C1orf115: variants seen among roughly 807,000 people sequenced by gnomAD.
C1orf115 encodes required for drug-induced death protein 1.
In C1orf115, 14 loss-of-function variants were observed where a neutral mutation model predicts 12.5. The ratio of observed to expected loss-of-function variants is 1.12; its 90% CI spans 0.74 to 1.75. The LOEUF is 1.75. Among genes scored for constraint, C1orf115 ranks in the 40% most tolerant of loss-of-function variants. C1orf115 has a pLI of 0.00. For missense variants in C1orf115, 237 were observed against 220.8 expected, an observed-to-expected ratio of 1.07 and a Z score of -0.46; for synonymous variants, 109 against 104.6, an observed-to-expected ratio of 1.04 and a Z score of -0.26.
chr1:220,693,881 C>T (rs1469309472), intron 1 of C1orf115, among the ~76,000 whole-genome samples: 1 of 151,952 alleles, frequency 6.6e-6, no homozygotes, highest in Non-Finnish European at 1.5e-5. Flanking sequence ...GAGCTGGAAA[C>T]CAGACTGACG....
chr1:220,695,499 T>G (rs1023859484), intron 1 of C1orf115, among the ~76,000 whole-genome samples: 1 of 146,500 alleles, frequency 6.8e-6, no homozygotes, highest in African/African-American at 2.6e-5. Context: ...TCTGGGTTTT[T>G]TTTTTTTTTT....
At chr1:220,693,670 G>A (rs1261989806) in intron 1 of C1orf115, among the ~76,000 whole-genome samples, 4 of 152,116 alleles carry the variant, frequency 2.6e-5, no homozygotes, top group Admixed American at 2.6e-4. Flanking sequence ...CTCATTTAGC[G>A]GGAGAGGTAC....
At position 220,696,532 on chromosome 1, in the gene C1orf115, AT is replaced by A. The variant is rs531405288; in HGVS notation, c.310-72del. The stretch of plus-strand genomic sequence containing the variant: ...ATCTTTATATATGTCGCCGTGACTC[AT>A]TTTTTTTCATGAAAGATGGCAGAAT... On this transcript the variant is annotated intron_variant, in intron 1 of 1. Coordinates refer to ENST00000294889, the MANE Select transcript of C1orf115 (RefSeq NM_024709.5). 4.1e-4 allele frequency: 600 copies of A among 1,446,334 alleles called. 1 individual carries two copies. In the African/African-American group the frequency reaches 5.6e-3, roughly 14 times the overall value. The allele number at this position is 1,446,334 out of a possible 1,614,324, so 89.6% of individuals were successfully genotyped here. A position where few individuals can be genotyped will look rare whatever the true frequency, so the allele number is the denominator to read the frequency against.
chr1:220,691,944 G>A (rs957570893), intron 1 of C1orf115, among the ~76,000 whole-genome samples: 2 of 152,198 alleles, frequency 1.3e-5, no homozygotes, highest in African/African-American at 4.8e-5. Context: ...GGGGGCTTCA[G>A]GGCACAGAGC....
rs761810424 is a variant in C1orf115 at position 220,696,624 on chromosome 1, G to T, written c.322G>T (p.Val108Phe). The T allele has an allele frequency of 1.1e-5, 18 of 1,588,860 alleles. No individual in the cohort carries two copies. The highest frequency in any genetic ancestry group is 1.7e-4 in the Middle Eastern group (1 of 6,002). ...LKKYGKNVGK[V>F]IIKGCRYVVI... is the part of the protein sequence containing the mutation. ...TTCCTAACACTAGAATGTCGGGAAG[G>T]TCATCATCAAAGGATGCCGCTACGT... The change falls in exon 2 of 2, where the codon GTC becomes TTC. Residue 108 changes from valine (V) to phenylalanine (F), a missense_variant. Val to Phe is a conservative substitution (Grantham distance 50). Coordinates refer to ENST00000294889, the MANE Select transcript of C1orf115 (RefSeq NM_024709.5).
intron 1 of C1orf115, among the ~76,000 whole-genome samples, chr1:220,694,520 C>T (rs1281998782): frequency 6.6e-6 from 1 of 152,052 alleles, no homozygotes; most frequent in Non-Finnish European, 1.5e-5. Context: ...GGTCATAGGC[C>T]CTGAAGTGAG....
chr1:220,694,958 T>G (rs1670168796), intron 1 of C1orf115, among the ~76,000 whole-genome samples: 2 of 152,014 alleles, frequency 1.3e-5, no homozygotes, highest in Non-Finnish European at 2.9e-5. Flanking sequence ...AGCTCCCTAT[T>G]TAGGTAGGGG....
At chr1:220,690,742 G>T in intron 1 of C1orf115, 31 bp downstream of exon 1, 1 of 1,555,280 alleles carries the variant, frequency 6.4e-7, no homozygotes, top group Non-Finnish European at 8.7e-7. Context: ...CTGCCCGGGG[G>T]GCGCGGGTGT....
rs1377654518 is a variant in C1orf115, at chr1:220,697,235, C to T, written c.*504C>T. On this transcript the variant is annotated 3_prime_UTR_variant, in exon 2 of 2. Coordinates refer to ENST00000294889, the MANE Select transcript of C1orf115 (RefSeq NM_024709.5). The surrounding 1 kb of genome is among the most constrained non-coding windows in gnomAD (Gnocchi z 4.5). ...GCTGTTTATTCCTCAAGTCATGCTC[C>T]CCGATCTCCTTCCTCTACCACTCTG... The T allele has an allele frequency of 6.6e-6, 1 of 152,016 alleles. No individual in the cohort carries two copies. Among genetic ancestry groups the T allele is most frequent in the African/African-American group, 2.4e-5 (1 of 41,352 alleles). The allele number at this position is 152,016 out of a possible 1,614,324, so 9.4% of individuals were successfully genotyped here. A position where few individuals can be genotyped will look rare whatever the true frequency, so the allele number is the denominator to read the frequency against.
intron 1 of C1orf115, among the ~76,000 whole-genome samples, chr1:220,693,543 A>G (rs1352356779): frequency 6.6e-6 from 1 of 152,220 alleles, no homozygotes; most frequent in Admixed American, 6.5e-5. Context: ...TAGCAACATC[A>G]CATACCCACA....
chr1:220,694,629 C>A (rs1450911632), intron 1 of C1orf115, among the ~76,000 whole-genome samples: 1 of 152,182 alleles, frequency 6.6e-6, no homozygotes, highest in Non-Finnish European at 1.5e-5. Flanking sequence ...GTCTGATAGA[C>A]AAAGGCCACC....
chr1:220,695,054 C>T (rs992445410), intron 1 of C1orf115, among the ~76,000 whole-genome samples: 2 of 152,136 alleles, frequency 1.3e-5, no homozygotes, highest in South Asian at 2.1e-4. Context: ...GAGAGAAAGA[C>T]AGAAAAGCGT....
At chr1:220,692,623 G>A (rs1422931450) in intron 1 of C1orf115, among the ~76,000 whole-genome samples, 2 of 152,196 alleles carry the variant, frequency 1.3e-5, no homozygotes, top group Non-Finnish European at 2.9e-5. Flanking sequence ...AACACAGATT[G>A]GTGGTTGCCA....
At chr1:220,691,498 C>T (rs906018034) in intron 1 of C1orf115, among the ~76,000 whole-genome samples, 7 of 152,286 alleles carry the variant, frequency 4.6e-5, no homozygotes, top group African/African-American at 1.7e-4. Context: ...CCACGGGCCC[C>T]ATCTGATTTA....
chr1:220,695,888 T>C (rs1332505667), intron 1 of C1orf115, among the ~76,000 whole-genome samples: 2 of 152,034 alleles, frequency 1.3e-5, no homozygotes, highest in Admixed American at 6.5e-5. Flanking sequence ...GTGCAATAAA[T>C]GTTTGGTGGT....
chr1:220,691,589 A>G (rs185577741), intron 1 of C1orf115, among the ~76,000 whole-genome samples: 146 of 152,294 alleles, frequency 9.6e-4, no homozygotes, highest in African/African-American at 3.5e-3. Context: ...TAGGTTTATC[A>G]TCCTCTTTAA....
rs189990298 is a variant in C1orf115 at position 220,693,448 on chromosome 1, G to A, written c.309+2737G>A. 7.4e-3 allele frequency among the ~76,000 whole-genome samples: 1,124 copies of A among 152,300 alleles called. 10 individuals are homozygous for A. The highest frequency in any genetic ancestry group is 0.012 in the Non-Finnish European group (783 of 68,016). Reference sequence around the variant, plus strand: ...CTTGATTGTTAAGCTTGTTCCCAGAGAATATGTTTTTCTTTTGTTGTTTCA... The same window carrying A: ...CTTGATTGTTAAGCTTGTTCCCAGAAAATATGTTTTTCTTTTGTTGTTTCA... On this transcript the variant is annotated intron_variant, in intron 1 of 1. Coordinates refer to ENST00000294889, the MANE Select transcript of C1orf115 (RefSeq NM_024709.5).
At chr1:220,693,617 T>C (rs1469350364) in intron 1 of C1orf115, among the ~76,000 whole-genome samples, 2 of 152,168 alleles carry the variant, frequency 1.3e-5, no homozygotes, top group Non-Finnish European at 1.5e-5. Context: ...AGGAAAGCAG[T>C]GTCTAGAGAA....
Position 220,696,881 on chromosome 1 carries a change from T to C in C1orf115, c.*150T>C. ...TGTTGAATCACATTAGTATGATGAG[T>C]GAGTCATCCCTGCCCATCTGCTGAG... On this transcript the variant is annotated 3_prime_UTR_variant, in exon 2 of 2. Coordinates refer to ENST00000294889, the MANE Select transcript of C1orf115 (RefSeq NM_024709.5). 9.9e-7 allele frequency: 1 copy of C among 1,014,588 alleles called. No homozygotes were observed. 62.8% of individuals were successfully genotyped at this position (1,014,588 alleles called of 1,614,324 possible).
Sources: gnomAD v4.1 joint callset for allele counts (sites outside exome capture counted in the v4.1 genomes callset) on GRCh38, gnomAD v4.1.1 for gene constraint, Gnocchi (gnomAD v3.1) non-coding constraint, MANE v1.5 for transcripts, NCBI Gene and HGNC (gene_info 2026-07-23, HGNC 2026-07-21) for gene names.